Variants in CMC1 observed in about 807,000 individuals in gnomAD.
The protein encoded by CMC1 is C-X9-C motif containing 1.
In CMC1, 14 loss-of-function variants were observed where a neutral mutation model predicts 14.1. The ratio of observed to expected loss-of-function variants is 0.99; its 90% CI spans 0.66 to 1.55. CMC1 has a LOEUF of 1.55. Ranked by LOEUF, CMC1 falls within the 40% of genes most tolerant of loss-of-function variation. The pLI is 0.00. For synonymous variants in CMC1, 50 were observed against 38.4 expected (o/e 1.30, Z -1.12); for missense variants, 127 against 123.8 (o/e 1.03, Z -0.12).
chr3:28,316,454 A>G (rs1319587235), intron 3 of CMC1, 31 bp downstream of exon 3: 2 of 1,289,796 alleles, frequency 1.6e-6, no homozygotes, highest in Middle Eastern at 3.8e-4. Flanking sequence ...TTGTGCTTGT[A>G]TGTGTATTTG....
At chr3:28,274,690 A>G (rs1577024447) in intron 2 of CMC1, among the ~76,000 whole-genome samples, 1 of 151,608 alleles carries the variant, frequency 6.6e-6, no homozygotes, top group Non-Finnish European at 1.5e-5. Context: ...CTCCTGGATG[A>G]TATCCTGAAG....
intron 1 of CMC1, among the ~76,000 whole-genome samples, chr3:28,251,590 A>T (rs1387192193): frequency 2.6e-5 from 4 of 152,248 alleles, no homozygotes; most frequent in Admixed American, 2.6e-4. Flanking sequence ...TTAGCTCTGA[A>T]GCCATACCAA....
chr3:28,313,714 G>C (rs1315368051), intron 2 of CMC1, among the ~76,000 whole-genome samples: 1 of 152,182 alleles, frequency 6.6e-6, no homozygotes, highest in Non-Finnish European at 1.5e-5. Flanking sequence ...CCTTTATTGT[G>C]ATCAGAACAC....
At chr3:28,255,429 A>T (rs1348638338) in intron 1 of CMC1, among the ~76,000 whole-genome samples, 1 of 151,510 alleles carries the variant, frequency 6.6e-6, no homozygotes, top group Non-Finnish European at 1.5e-5. Flanking sequence ...TTTTTTCACT[A>T]GAGACAGAGT....
chr3:28,318,542 T>C (rs1162283924), intron 3 of CMC1: 4 of 152,020 alleles, frequency 2.6e-5, no homozygotes, highest in African/African-American at 9.7e-5. Flanking sequence ...TTACTTACTA[T>C]AGAAAGTAAC....
intron 2 of CMC1, 44 bp from the exon 3 acceptor site, chr3:28,316,289 T>G: frequency 1.0e-6 from 1 of 986,236 alleles, no homozygotes. Flanking sequence ...GGTATTTATA[T>G]AGATATAATT....
chr3:28,319,786 T>C lies in CMC1; in HGVS notation c.*157T>C, dbSNP rs990250611. 6.2e-6 allele frequency: 4 copies of C among 640,306 alleles called. No homozygotes were observed. The Admixed American group carries it at 1.5e-4, about 24-fold the overall frequency. 39.7% of individuals were successfully genotyped at this position (640,306 alleles called of 1,614,324 possible). A position where few individuals can be genotyped will look rare whatever the true frequency, so the allele number is the denominator to read the frequency against. ...ATTTTATTTCAAAGTTTTGGTTTCT[T>C]AAATGGGAAAGGAGTAGTTACTGAA... is the stretch of plus-strand genomic sequence containing the variant. On this transcript the variant is annotated 3_prime_UTR_variant, in exon 4 of 4. Transcript: ENST00000466830.
intron 1 of CMC1, 101 bp downstream of exon 1, chr3:28,241,913 T>A (rs1698542632): frequency 8.9e-7 from 1 of 1,127,432 alleles, no homozygotes; most frequent in East Asian, 3.2e-5. Context: ...TGCAGAGCTC[T>A]GGGTAGCATT....
intron 2 of CMC1, among the ~76,000 whole-genome samples, chr3:28,300,645 C>CTCTATCCCTT (rs1701984208): frequency 2.3e-5 from 1 of 42,940 alleles, no homozygotes; most frequent in African/African-American, 1.0e-4. Context: ...CTTTCCCTCC[C>CTCTATCCCTT]TCCATCCCTT....
intron 2 of CMC1, among the ~76,000 whole-genome samples, chr3:28,288,063 T>C (rs1701281325): frequency 1.3e-5 from 2 of 152,032 alleles, no homozygotes; most frequent in Admixed American, 1.3e-4. Context: ...CATACGACAA[T>C]GCAGACATCA....
intron 2 of CMC1, among the ~76,000 whole-genome samples, chr3:28,277,309 C>T (rs4680907): frequency 0.64 from 96,624 of 151,972 alleles, 30,797 homozygotes; most frequent in East Asian, 0.71. Flanking sequence ...TTAGTGTTAG[C>T]CAAATATTAC....
intron 2 of CMC1, among the ~76,000 whole-genome samples, chr3:28,291,506 A>G (rs374212356): frequency 2.0e-5 from 3 of 152,116 alleles, no homozygotes; most frequent in African/African-American, 4.8e-5. Flanking sequence ...TTGGTCTTCA[A>G]TTTATCTCTT....
chr3:28,265,778 G>C (rs1172103698), intron 2 of CMC1, among the ~76,000 whole-genome samples: 1 of 152,164 alleles, frequency 6.6e-6, no homozygotes, highest in Non-Finnish European at 1.5e-5. Context: ...ACCAACAGCA[G>C]TTATTGACAG....
intron 2 of CMC1, among the ~76,000 whole-genome samples, chr3:28,304,580 A>G (rs1702215249): frequency 6.6e-6 from 1 of 152,190 alleles, no homozygotes; most frequent in Non-Finnish European, 1.5e-5. Flanking sequence ...ATCTTAGTAG[A>G]CGTCTCAACA....
At chr3:28,285,305 T>C (rs1339001719) in intron 2 of CMC1, among the ~76,000 whole-genome samples, 1 of 152,070 alleles carries the variant, frequency 6.6e-6, no homozygotes, top group East Asian at 1.9e-4. Context: ...ATATTTTCCT[T>C]CAAAAGCTGT....
chr3:28,303,634 GATT>G (rs1326330833), intron 2 of CMC1, among the ~76,000 whole-genome samples: 2 of 152,136 alleles, frequency 1.3e-5, no homozygotes, highest in Admixed American at 1.3e-4. Flanking sequence ...TAATGGCAGA[GATT>G]ATTTAGCAAC....
intron 1 of CMC1, among the ~76,000 whole-genome samples, chr3:28,246,322 G>A (rs571095197): frequency 6.6e-6 from 1 of 152,248 alleles, no homozygotes; most frequent in African/African-American, 2.4e-5. Context: ...AAAAACACAG[G>A]CTTAAGCAAA....
intron 2 of CMC1, among the ~76,000 whole-genome samples, chr3:28,301,468 G>A (rs1426204114): frequency 4.6e-5 from 7 of 152,060 alleles, no homozygotes; most frequent in Non-Finnish European, 5.9e-5. Flanking sequence ...CGATCCTCCT[G>A]CCTCAGCCTC....
intron 2 of CMC1, among the ~76,000 whole-genome samples, chr3:28,304,677 A>G (rs1019179202): frequency 6.6e-6 from 1 of 152,166 alleles, no homozygotes; most frequent in African/African-American, 2.4e-5. Flanking sequence ...GTTAGTTTTT[A>G]TATTTTAAAG....
Sources: gnomAD v4.1 joint callset for allele counts (sites outside exome capture counted in the v4.1 genomes callset) on GRCh38, gnomAD v4.1.1 for gene constraint, MANE v1.5 for transcripts, NCBI Gene and HGNC (gene_info 2026-07-23, HGNC 2026-07-21) for gene names.